Variants in MAP3K20 observed in about 807,000 individuals in gnomAD.
The protein encoded by MAP3K20 is mitogen-activated protein kinase kinase kinase 20.
In MAP3K20, 40 loss-of-function variants were observed where a neutral mutation model predicts 85.7. The observed-to-expected ratio is 0.47, with a 90% CI of 0.36 to 0.61. The LOEUF (loss-of-function observed/expected upper bound fraction) is 0.61, where lower values mean the gene tolerates loss of function less well. Ranked by LOEUF, MAP3K20 falls within the 20% of genes least tolerant of loss-of-function variation. MAP3K20 has a pLI of 0.00. For missense variants in MAP3K20, 817 were observed against 961.7 expected (o/e 0.85, Z 1.99); for synonymous variants, 325 against 327.7 (o/e 0.99, Z 0.09).
intron 2 of MAP3K20, among the ~76,000 whole-genome samples, chr2:173,149,516 A>T (rs57253177): frequency 0.55 from 61,829 of 113,340 alleles, 14,748 homozygotes; most frequent in South Asian, 0.7. Context: ...ATTTTTTTTT[A>T]AAAAAAACCC....
rs775756427 is a variant in MAP3K20 at position 173,123,002 on chromosome 2, A to G, written c.159+31812A>G. Among the ~76,000 whole-genome samples the G allele has an allele frequency of 2.0e-4, 30 of 152,200 alleles. 1 individual carries two copies. The highest frequency in any genetic ancestry group is 4.3e-4 in the Non-Finnish European group (29 of 68,026). ...GCTCCCCTCACTTAGGTATTTTTCA[A>G]TGTCTTAGTGCAAGGAGTGTCTCTG... On this transcript the variant is annotated intron_variant, in intron 2 of 19. Coordinates refer to ENST00000375213, the MANE Select transcript of MAP3K20 (RefSeq NM_016653.3).
intron 16 of MAP3K20, among the ~76,000 whole-genome samples, chr2:173,250,018 A>G (rs555692711): frequency 1.8e-4 from 27 of 152,192 alleles, no homozygotes; most frequent in Non-Finnish European, 4.0e-4. Flanking sequence ...GTCTGCCCTG[A>G]CCTTAGACAC....
intron 2 of MAP3K20, among the ~76,000 whole-genome samples, chr2:173,120,303 C>T (rs1688244902): frequency 6.6e-6 from 1 of 152,064 alleles, no homozygotes; most frequent in South Asian, 2.1e-4. Context: ...CCTCAGCAGT[C>T]CTGCCTTTTA....
At chr2:173,086,742 G>A (rs1449264563) in intron 1 of MAP3K20, among the ~76,000 whole-genome samples, 1 of 152,208 alleles carries the variant, frequency 6.6e-6, no homozygotes, top group African/African-American at 2.4e-5. Flanking sequence ...GACTGATCCT[G>A]TCTCAGTTCA....
intron 2 of MAP3K20, among the ~76,000 whole-genome samples, chr2:173,109,299 G>A (rs1320328917): frequency 6.6e-6 from 1 of 152,072 alleles, no homozygotes; most frequent in Non-Finnish European, 1.5e-5. Context: ...TAAAACTTTT[G>A]GTTACTAAGC....
intron 2 of MAP3K20, among the ~76,000 whole-genome samples, chr2:173,134,664 G>A (rs1688748729): frequency 6.6e-6 from 1 of 151,040 alleles, no homozygotes; most frequent in Non-Finnish European, 1.5e-5. Context: ...ACATACATTG[G>A]AACTGATACT....
chr2:173,245,642 A>T (rs1559297500), intron 16 of MAP3K20, among the ~76,000 whole-genome samples: 3 of 152,222 alleles, frequency 2.0e-5, no homozygotes. Flanking sequence ...ATTAATTTAA[A>T]TGACATAGGC....
In MAP3K20 at chr2:173,146,453, T is replaced by G. The variant is rs377382249; in HGVS notation, c.160-23352T>G. On this transcript the variant is annotated intron_variant, in intron 2 of 19. Transcript: ENST00000375213. ...AATTCATCCATGTAACATGTACAAT[T>G]AAGTGTTTTATAATATATTCACGGT... 2.7e-4 allele frequency among the ~76,000 whole-genome samples: 41 copies of G among 152,300 alleles called. 1 individual carries two copies. The highest frequency in any genetic ancestry group is 9.9e-4 in the African/African-American group (41 of 41,586).
chr2:173,079,953 C>A (rs1464416117), intron 1 of MAP3K20, among the ~76,000 whole-genome samples: 3 of 151,260 alleles, frequency 2.0e-5, no homozygotes, highest in African/African-American at 7.3e-5. Flanking sequence ...ATAGTAAATA[C>A]ATAAATGAGT....
At chr2:173,146,815 C>T (rs1305846193) in intron 2 of MAP3K20, among the ~76,000 whole-genome samples, 3 of 152,206 alleles carry the variant, frequency 2.0e-5, no homozygotes, top group African/African-American at 7.2e-5. Flanking sequence ...ATTTTACACT[C>T]CTCCCAGAAG....
intron 11 of MAP3K20, chr2:173,221,257 C>G (rs547368395): frequency 2.0e-5 from 33 of 1,613,882 alleles, no homozygotes; most frequent in East Asian, 1.6e-4. Flanking sequence ...CAACAAGTAA[C>G]GGGGAGGGCC....
chr2:173,103,773 A>G (rs1275286567), intron 2 of MAP3K20, among the ~76,000 whole-genome samples: 1 of 152,202 alleles, frequency 6.6e-6, no homozygotes, highest in African/African-American at 2.4e-5. Flanking sequence ...AGGTAACTCT[A>G]CATGTGAATA....
At chr2:173,244,967 G>A (rs1201222068) in intron 16 of MAP3K20, among the ~76,000 whole-genome samples, 1 of 152,150 alleles carries the variant, frequency 6.6e-6, no homozygotes, top group Non-Finnish European at 1.5e-5. Flanking sequence ...CTCCAACCTA[G>A]GAGTTTGCAT....
chr2:173,087,988 G>A (rs994270096), intron 1 of MAP3K20, among the ~76,000 whole-genome samples: 1 of 152,122 alleles, frequency 6.6e-6, no homozygotes, highest in African/African-American at 2.4e-5. Context: ...GTCAGGCCTA[G>A]AGAGCAACCA....
intron 2 of MAP3K20, among the ~76,000 whole-genome samples, chr2:173,136,080 G>C (rs998575806): frequency 6.6e-6 from 1 of 152,166 alleles, no homozygotes; most frequent in African/African-American, 2.4e-5. Flanking sequence ...AAGTTGTACT[G>C]AATACCTTAA....
At chr2:173,128,347 A>ATTTG (rs1688507530) in intron 2 of MAP3K20, among the ~76,000 whole-genome samples, 2 of 147,586 alleles carry the variant, frequency 1.4e-5, no homozygotes, top group Admixed American at 1.4e-4. Flanking sequence ...TTATTTATTT[A>ATTTG]TTTCAGATAG....
intron 10 of MAP3K20, chr2:173,210,134 C>A (rs113729103): frequency 1.9e-5 from 6 of 322,682 alleles, no homozygotes; most frequent in African/African-American, 1.3e-4. Context: ...GGCAGATCAC[C>A]TGAGGTCAGG....
intron 2 of MAP3K20, among the ~76,000 whole-genome samples, chr2:173,155,594 T>G (rs1689443623): frequency 6.6e-6 from 1 of 152,212 alleles, no homozygotes; most frequent in African/African-American, 2.4e-5. Flanking sequence ...AGATCATAAC[T>G]ACACCATGTT....
At chr2:173,132,388 C>T (rs1345808359) in intron 2 of MAP3K20, among the ~76,000 whole-genome samples, 1 of 152,172 alleles carries the variant, frequency 6.6e-6, no homozygotes, top group Non-Finnish European at 1.5e-5. Flanking sequence ...CCTTGCACCC[C>T]ATGTAGGCTG....
Sources: allele counts gnomAD v4.1 joint callset (sites outside exome capture counted in the v4.1 genomes callset), GRCh38; gene constraint gnomAD v4.1.1; transcripts MANE v1.5; gene names NCBI Gene and HGNC (gene_info 2026-07-23, HGNC 2026-07-21).